Variants in PDE4D observed in about 807,000 individuals in gnomAD.
The protein encoded by PDE4D is 3',5'-cyclic-AMP phosphodiesterase 4D.
In PDE4D, 24 loss-of-function variants were observed where a neutral mutation model predicts 87.4. The ratio of observed to expected loss-of-function variants is 0.27; its 90% CI spans 0.20 to 0.39. The LOEUF (loss-of-function observed/expected upper bound fraction) is 0.39, where lower values mean the gene tolerates loss of function less well. PDE4D is among the 10% of genes least tolerant of loss of function. PDE4D has a pLI of 1.00. For synonymous variants in PDE4D, 384 were observed against 383.2 expected (o/e 1.00, Z -0.02); for missense variants, 714 against 1,041.0 (o/e 0.69, Z 4.32).
At chr5:59,207,110 A>G (rs1172641592) in intron 2 of PDE4D, among the ~76,000 whole-genome samples, 1 of 152,148 alleles carries the variant, frequency 6.6e-6, no homozygotes, top group African/African-American at 2.4e-5. Flanking sequence ...CTTGAGCCCA[A>G]GAGCTCAAGG....
chr5:59,699,820 A>G (rs1752302934), intron 1 of PDE4D, among the ~76,000 whole-genome samples: 2 of 152,164 alleles, frequency 1.3e-5, no homozygotes, highest in African/African-American at 4.8e-5. Flanking sequence ...TCAAAATCTT[A>G]TCAAGGTCAG....
intron 5 of PDE4D, among the ~76,000 whole-genome samples, chr5:59,072,116 A>T (rs191865753): frequency 6.6e-6 from 1 of 152,172 alleles, no homozygotes; most frequent in Non-Finnish European, 1.5e-5. Flanking sequence ...ATCAGATTGG[A>T]AGCTCTGTTT....
At chr5:59,192,471 C>T (rs1320422711) in intron 3 of PDE4D, among the ~76,000 whole-genome samples, 3 of 152,064 alleles carry the variant, frequency 2.0e-5, no homozygotes, top group Admixed American at 6.6e-5. Context: ...TGGCAAGAGG[C>T]GGTGAAAGGG....
chr5:60,175,955 G>T (rs1239855005), intron 2 of PDE4D, among the ~76,000 whole-genome samples: 1 of 152,064 alleles, frequency 6.6e-6, no homozygotes, highest in Middle Eastern at 3.2e-3. Flanking sequence ...TCACCAATGG[G>T]TTTCCTCCAG....
chr5:59,883,080 C>G (rs1749682985), intron 1 of PDE4D, among the ~76,000 whole-genome samples: 3 of 152,180 alleles, frequency 2.0e-5, no homozygotes, highest in Admixed American at 2.0e-4. Flanking sequence ...TGCCCAGCCT[C>G]TCTTATTCCT....
At chr5:59,459,290 G>A (rs749043342) in intron 1 of PDE4D, among the ~76,000 whole-genome samples, 1 of 152,158 alleles carries the variant, frequency 6.6e-6, no homozygotes, top group African/African-American at 2.4e-5. Context: ...GCAACTTTCT[G>A]AGAGGCGAAA....
intron 6 of PDE4D, among the ~76,000 whole-genome samples, chr5:59,000,754 T>A (rs1561275102): frequency 6.6e-6 from 1 of 152,310 alleles, no homozygotes; most frequent in East Asian, 1.9e-4. Flanking sequence ...AGTAGTGCGA[T>A]CTTGGCTCAC....
At chr5:60,073,447 C>G (rs1772946219) in intron 2 of PDE4D, among the ~76,000 whole-genome samples, 1 of 149,900 alleles carries the variant, frequency 6.7e-6, no homozygotes, top group South Asian at 2.1e-4. Context: ...GCATGTTCAT[C>G]AAGAATGCTA....
intron 1 of PDE4D, among the ~76,000 whole-genome samples, chr5:59,349,200 C>A (rs1333764634): frequency 1.3e-5 from 2 of 152,086 alleles, no homozygotes; most frequent in East Asian, 3.8e-4. Flanking sequence ...TATAACCCAG[C>A]CTTACGGAAA....
chr5:59,273,890 A>C (rs1292874194), intron 1 of PDE4D, among the ~76,000 whole-genome samples: 2 of 152,144 alleles, frequency 1.3e-5, no homozygotes, highest in Non-Finnish European at 2.9e-5. Context: ...GAAATGAACA[A>C]ATTATTTCCA....
Position 59,893,589 on chromosome 5 carries a change from C to T in PDE4D, c.34G>A (p.Ala12Thr). The change falls in exon 1 of 15, where the codon GCG (alanine) becomes ACG (threonine). Residue 12 changes from alanine (A) to threonine (T), a missense_variant. Physicochemically the swap from Ala to Thr is moderately conservative, Grantham distance 58 (BLOSUM62 0). Coordinates refer to ENST00000340635, the MANE Select transcript of PDE4D (RefSeq NM_001104631.2). ...CTGTCGCTGCCCTCTCCGCTGCCCG[C>T]CCGGGCCGGCGCGCTGCTGCCCTCT... ...EAEGSSAPAR[A>T]GSGEGSDSAG... The T allele has an allele frequency of 6.6e-7, 1 of 1,522,010 alleles. No homozygotes were observed. 94.3% of individuals were successfully genotyped at this position (1,522,010 alleles called of 1,614,324 possible). A position where few individuals can be genotyped will look rare whatever the true frequency, so the allele number is the denominator to read the frequency against.
At chr5:59,095,611 A>T (rs1769563061) in intron 5 of PDE4D, among the ~76,000 whole-genome samples, 1 of 152,182 alleles carries the variant, frequency 6.6e-6, no homozygotes, top group Non-Finnish European at 1.5e-5. Flanking sequence ...ATTAGCAAGC[A>T]GTAAACTTGG....
intron 5 of PDE4D, among the ~76,000 whole-genome samples, chr5:59,072,080 T>A (rs1036404682): frequency 6.6e-6 from 1 of 152,216 alleles, no homozygotes; most frequent in African/African-American, 2.4e-5. Flanking sequence ...ATCTGTCTAC[T>A]CATATTTAAG....
intron 6 of PDE4D, among the ~76,000 whole-genome samples, chr5:59,004,402 G>C (rs765379279): frequency 2.0e-5 from 3 of 152,150 alleles, no homozygotes; most frequent in Non-Finnish European, 4.4e-5. Context: ...AAGGCTCTTA[G>C]AACAGTAAGT....
At chr5:59,012,220 A>C (rs1021444905) in intron 6 of PDE4D, among the ~76,000 whole-genome samples, 2 of 152,186 alleles carry the variant, frequency 1.3e-5, no homozygotes, top group African/African-American at 4.8e-5. Context: ...AAAGACCATC[A>C]AGGCTAGGAA....
At chr5:59,767,075 G>A (rs1257123396) in intron 1 of PDE4D, among the ~76,000 whole-genome samples, 2 of 152,092 alleles carry the variant, frequency 1.3e-5, no homozygotes, top group Non-Finnish European at 2.9e-5. Flanking sequence ...GCATTCCTGA[G>A]CACGGTCTTG....
rs564645712 is a variant in PDE4D at position 60,231,576 on chromosome 5, A to G, written c.-89-45889T>C. Among the ~76,000 whole-genome samples, 21 of 152,114 alleles carry G rather than the reference A, an allele frequency of 1.4e-4. 1 individual carries two copies. In the South Asian group the frequency reaches 3.9e-3, roughly 29 times the overall value. On this transcript the variant is annotated intron_variant, in intron 1 of 16. Coordinates refer to the PDE4D transcript ENST00000502484. ...TGGATTATCATCACTTGCAACCAGTATGTCCAATAAAAATCCATGCCTTGA... is the reference window on the plus strand; with the variant it reads ...TGGATTATCATCACTTGCAACCAGTGTGTCCAATAAAAATCCATGCCTTGA...
intron 1 of PDE4D, among the ~76,000 whole-genome samples, chr5:59,619,375 G>A (rs1830086956): frequency 6.6e-6 from 1 of 152,124 alleles, no homozygotes; most frequent in East Asian, 1.9e-4. Context: ...ATGAAAGACT[G>A]ATAAAGGGAA....
intron 1 of PDE4D, among the ~76,000 whole-genome samples, chr5:59,383,003 G>A (rs12186492): frequency 0.087 from 13,264 of 152,230 alleles, 684 homozygotes; most frequent in Middle Eastern, 0.15. Context: ...GCTTAGTGCG[G>A]TATCTAAAGC....
Sources: gnomAD v4.1 joint callset for allele counts (sites outside exome capture counted in the v4.1 genomes callset) on GRCh38, gnomAD v4.1.1 for gene constraint, MANE v1.5 for transcripts, NCBI Gene and HGNC (gene_info 2026-07-23, HGNC 2026-07-21) for gene names.